The following CXADR variants were observed in gnomAD, a reference collection of about 807,000 sequenced individuals.
CXADR encodes CXADR cell adhesion molecule, also known as coxsackievirus and adenovirus receptor.
In CXADR, 20 loss-of-function variants were observed where a neutral mutation model predicts 40.3. That is an observed-to-expected ratio of 0.50 (90% CI 0.35 to 0.72). The LOEUF is 0.72. Ranked by LOEUF, CXADR falls within the 30% of genes least tolerant of loss-of-function variation. CXADR has a pLI of 0.01. For missense variants in CXADR, 332 were observed against 449.1 expected (o/e 0.74, Z 2.36); for synonymous variants, 150 against 161.3 (o/e 0.93, Z 0.53).
intron 1 of CXADR, among the ~76,000 whole-genome samples, chr21:17,540,853 AT>A (rs768372032): frequency 6.6e-6 from 1 of 151,952 alleles, no homozygotes; most frequent in Non-Finnish European, 1.5e-5. Context: ...GCCTTATTGA[AT>A]TTTTTTAACC....
chr21:17,566,358 C>G lies in CXADR; in HGVS notation c.*666C>G. 2 of 984,760 alleles carry G rather than the reference C, an allele frequency of 2.0e-6. No homozygotes were observed. The highest frequency in any genetic ancestry group is 9.4e-5 in the South Asian group (2 of 21,268). The allele number at this position is 984,760 out of a possible 1,614,324, so 61.0% of individuals were successfully genotyped here. On this transcript the variant is annotated 3_prime_UTR_variant, in exon 7 of 7. Transcript: ENST00000284878. ...CTACAGGTAATAGGGACTTAGCAAG[C>G]TCTTTTATATGCTAAAGGAGCATCT...
downstream of CXADR, chr21:17,594,190 T>A: frequency 6.2e-7 from 1 of 1,613,312 alleles, no homozygotes; most frequent in Non-Finnish European, 8.5e-7. Flanking sequence ...GCGATATGGT[T>A]TATTTTTTCT....
chr21:17,549,019 G>T (rs1409806189), intron 2 of CXADR, among the ~76,000 whole-genome samples: 2 of 152,204 alleles, frequency 1.3e-5, no homozygotes, highest in Non-Finnish European at 2.9e-5. Flanking sequence ...AGACAGAATG[G>T]TTAAAAACTA....
At chr21:17,559,669 G>GTTTTTTTTTT (rs1447996912) in intron 4 of CXADR, among the ~76,000 whole-genome samples, 1 of 27,890 alleles carries the variant, frequency 3.6e-5, no homozygotes, top group African/African-American at 1.3e-4. Context: ...TTTTTTTTGG[G>GTTTTTTTTTT]TTTTTTTTTT....
At chr21:17,601,046 C>A in the CXADR span, among the ~76,000 whole-genome samples, 2 of 152,050 alleles carry the variant, frequency 1.3e-5, no homozygotes, top group African/African-American at 4.8e-5. Flanking sequence ...GCCTGTAATC[C>A]CAGCTACTCG....
At chr21:17,533,214 T>C (rs2060700671) in intron 1 of CXADR, among the ~76,000 whole-genome samples, 1 of 152,168 alleles carries the variant, frequency 6.6e-6, no homozygotes, top group East Asian at 1.9e-4. Context: ...GTGTAATAAA[T>C]TTGGCAACAG....
chr21:17,545,085 T>TG (rs1001341740), intron 1 of CXADR, among the ~76,000 whole-genome samples: 1 of 145,272 alleles, frequency 6.9e-6, no homozygotes, highest in Non-Finnish European at 1.5e-5. Flanking sequence ...TTTTTTTTTT[T>TG]TTTTTTTTTT....
downstream of CXADR, among the ~76,000 whole-genome samples, chr21:17,571,598 C>T (rs554365598): frequency 6.6e-6 from 1 of 152,204 alleles, no homozygotes; most frequent in East Asian, 1.9e-4. Flanking sequence ...TTTCAAGATG[C>T]AGTAATACCA....
At chr21:17,553,614 CTTTT>C (rs10710377) in intron 3 of CXADR, among the ~76,000 whole-genome samples, 46 of 128,278 alleles carry the variant, frequency 3.6e-4, no homozygotes, top group African/African-American at 1.1e-3. Context: ...GGTCCGAATT[CTTTT>C]TTTTTTTTTT....
chr21:17,614,908 C>T, the CXADR span, among the ~76,000 whole-genome samples: 2 of 152,092 alleles, frequency 1.3e-5, no homozygotes, highest in Non-Finnish European at 2.9e-5. Flanking sequence ...GATGCTTTGC[C>T]CCAGCTCTCT....
At chr21:17,594,073 C>T (rs1341712689), downstream of CXADR, 3 of 1,609,026 alleles carry the variant, frequency 1.9e-6, no homozygotes, top group Admixed American at 1.7e-5. Flanking sequence ...AACATGACAC[C>T]AACACAATCA....
the CXADR span, among the ~76,000 whole-genome samples, chr21:17,605,835 C>G: frequency 1.3e-5 from 2 of 152,118 alleles, no homozygotes; most frequent in Non-Finnish European, 2.9e-5. Flanking sequence ...ATCAAGAGAA[C>G]TTGGATTTCA....
intron 7 of CXADR, chr21:17,576,859 T>C (rs1468103427): frequency 6.6e-6 from 1 of 152,238 alleles, no homozygotes; most frequent in Non-Finnish European, 1.5e-5. Context: ...TCAAGCTCTT[T>C]GTTCTACTCT....
chr21:17,589,013 A>G (rs1297985724), intron 7 of CXADR, among the ~76,000 whole-genome samples: 1 of 151,432 alleles, frequency 6.6e-6, no homozygotes, highest in African/African-American at 2.4e-5. Context: ...GTTGTTGTTA[A>G]AGTTTATTTC....
At chr21:17,604,056 C>G in the CXADR span, 1 of 1,125,154 alleles carries the variant, frequency 8.9e-7, no homozygotes, top group Non-Finnish European at 1.1e-6. Context: ...ATACCTAGCA[C>G]TGATCTTTCA....
At chr21:17,564,313 G>A (rs1338869232) in intron 6 of CXADR, among the ~76,000 whole-genome samples, 1 of 143,618 alleles carries the variant, frequency 7.0e-6, no homozygotes, top group African/African-American at 2.6e-5. Context: ...TGAGCAAGAT[G>A]TCTCTATTAA....
At chr21:17,538,135 G>A (rs767314034) in intron 1 of CXADR, among the ~76,000 whole-genome samples, 2 of 152,086 alleles carry the variant, frequency 1.3e-5, no homozygotes, top group Admixed American at 1.3e-4. Context: ...CTGAGCAGCT[G>A]AGACCGTAGG....
chr21:17,633,868 CTTCT>C, the CXADR span, among the ~76,000 whole-genome samples: 1 of 152,180 alleles, frequency 6.6e-6, no homozygotes, highest in African/African-American at 2.4e-5. Flanking sequence ...TAATCTGGCC[CTTCT>C]TTGAGTTTTA....
the CXADR span, among the ~76,000 whole-genome samples, chr21:17,609,391 T>C: frequency 1.3e-5 from 2 of 152,214 alleles, no homozygotes; most frequent in South Asian, 2.1e-4. Context: ...TCCATAAAGA[T>C]AGCACGTTGC....
Sources: gnomAD v4.1 joint callset for allele counts (sites outside exome capture counted in the v4.1 genomes callset) on GRCh38, gnomAD v4.1.1 for gene constraint, MANE v1.5 for transcripts, NCBI Gene and HGNC (gene_info 2026-07-23, HGNC 2026-07-21) for gene names.